ROCK2: variants seen among roughly 807,000 people sequenced by gnomAD.
ROCK2 encodes rho-associated protein kinase 2.
ROCK2 carries 61 observed loss-of-function variants against 195.1 expected under a neutral mutation model. The observed-to-expected ratio is 0.31, with a 90% CI of 0.25 to 0.39. The LOEUF (loss-of-function observed/expected upper bound fraction) is 0.39, where lower values mean the gene tolerates loss of function less well. ROCK2 is among the 10% of genes least tolerant of loss of function. ROCK2 has a pLI of 1.00. For missense variants in ROCK2, 1,109 were observed against 1,637.4 expected (o/e 0.68, Z 5.57); for synonymous variants, 504 against 545.5 (o/e 0.92, Z 1.06).
intron 8 of ROCK2, 32 bp downstream of exon 8, chr2:11,222,051 T>C: frequency 7.8e-7 from 1 of 1,285,968 alleles, no homozygotes; most frequent in South Asian, 1.2e-5. Context: ...CAGAATGTGA[T>C]GGAATGAAAA....
chr2:11,290,845 A>T (rs1292590257), intron 1 of ROCK2, among the ~76,000 whole-genome samples: 1 of 152,068 alleles, frequency 6.6e-6, no homozygotes, highest in Non-Finnish European at 1.5e-5. Context: ...AACAACAACA[A>T]CATCTTATTG....
chr2:11,198,797 A>T, intron 23 of ROCK2, 23 bp from the exon 24 acceptor site: 2 of 1,335,548 alleles, frequency 1.5e-6, no homozygotes, highest in Non-Finnish European at 2.1e-6. Flanking sequence ...AGAGGAAAAA[A>T]TAATCACATC....
intron 1 of ROCK2, among the ~76,000 whole-genome samples, chr2:11,336,896 G>T (rs1040284571): frequency 6.6e-6 from 1 of 152,144 alleles, no homozygotes; most frequent in African/African-American, 2.4e-5. Flanking sequence ...ACATGAGGAT[G>T]GCGACAATTA....
chr2:11,244,883 A>G (rs768342474), intron 4 of ROCK2, among the ~76,000 whole-genome samples: 4 of 152,206 alleles, frequency 2.6e-5, no homozygotes, highest in Non-Finnish European at 5.9e-5. Flanking sequence ...AGAAAAAAGT[A>G]GTATGCTTCC....
chr2:11,193,909 T>C, intron 29 of ROCK2, 52 bp from the exon 30 acceptor site: 1 of 974,032 alleles, frequency 1.0e-6, no homozygotes, highest in Middle Eastern at 2.2e-4. Flanking sequence ...GATCAAATTA[T>C]ATATTAATTA....
intron 3 of ROCK2, among the ~76,000 whole-genome samples, chr2:11,255,375 AC>A (rs1434765380): frequency 1.3e-5 from 2 of 150,736 alleles, no homozygotes; most frequent in Non-Finnish European, 2.9e-5. Context: ...AAATAACAAA[AC>A]CCCAGAGTCT....
rs1337366460 is a variant in ROCK2, at chr2:11,224,470, C to G, written c.869-10G>C. On this transcript the variant is annotated splice_polypyrimidine_tract_variant and intron_variant, in intron 6 of 32. Transcript: ENST00000315872. ...TAAAATGGAGTATCCCCTAAAATTT[C>G]AAGAAAGAAGATACTGAATGTAACA... 1.2e-6 allele frequency: 2 copies of G among 1,609,170 alleles called. No individual in the cohort carries two copies. Among genetic ancestry groups the G allele is most frequent in the Non-Finnish European group, 1.7e-6 (2 of 1,177,472 alleles).
At chr2:11,311,938 A>G (rs1313816524) in intron 1 of ROCK2, among the ~76,000 whole-genome samples, 1 of 152,182 alleles carries the variant, frequency 6.6e-6, no homozygotes, top group Non-Finnish European at 1.5e-5. Context: ...TTTTCCAACT[A>G]CAAATATGTA....
At chr2:11,211,585 T>A in intron 18 of ROCK2, 96 bp downstream of exon 18, 1 of 1,195,944 alleles carries the variant, frequency 8.4e-7, no homozygotes, top group Non-Finnish European at 1.1e-6. Flanking sequence ...TATTTGACAA[T>A]GAAATATAAA....
intron 1 of ROCK2, among the ~76,000 whole-genome samples, chr2:11,318,617 G>T (rs1030323838): frequency 1.6e-4 from 24 of 152,144 alleles, no homozygotes; most frequent in Non-Finnish European, 3.1e-4. Context: ...TAGATCCCAT[G>T]TGTCAATTCT....
At chr2:11,287,495 A>G (rs187102397) in intron 2 of ROCK2, among the ~76,000 whole-genome samples, 160 bp downstream of exon 2, 2 of 152,328 alleles carry the variant, frequency 1.3e-5, no homozygotes, top group East Asian at 3.9e-4. Flanking sequence ...TTTAAAAATA[A>G]AAGTAACAAT....
intron 11 of ROCK2, chr2:11,217,404 C>T (rs1664471887): frequency 3.5e-6 from 2 of 575,634 alleles, no homozygotes; most frequent in African/African-American, 1.9e-5. Context: ...TGTAACCATG[C>T]ATAAGAAGCT....
chr2:11,325,650 T>C (rs1041497381), intron 1 of ROCK2, among the ~76,000 whole-genome samples: 2 of 152,194 alleles, frequency 1.3e-5, no homozygotes, highest in African/African-American at 2.4e-5. Context: ...GGGAAATAAT[T>C]AGCAATTTTA....
At chr2:11,343,075 A>G (rs1342962676) in intron 1 of ROCK2, among the ~76,000 whole-genome samples, 1 of 152,182 alleles carries the variant, frequency 6.6e-6, no homozygotes, top group Non-Finnish European at 1.5e-5. Context: ...CCCTAGTTCT[A>G]GTCTTCCAGA....
chr2:11,300,396 T>G (rs1195329428), intron 1 of ROCK2, among the ~76,000 whole-genome samples: 1 of 152,182 alleles, frequency 6.6e-6, no homozygotes, highest in African/African-American at 2.4e-5. Flanking sequence ...CCCAACTAGC[T>G]GGGATTACAG....
At chr2:11,268,086 G>C (rs1278612944) in intron 3 of ROCK2, among the ~76,000 whole-genome samples, 1 of 151,928 alleles carries the variant, frequency 6.6e-6, no homozygotes, top group Non-Finnish European at 1.5e-5. Flanking sequence ...AAAAGACAGG[G>C]GAGAACACCA....
intron 1 of ROCK2, among the ~76,000 whole-genome samples, chr2:11,299,191 T>C (rs1300144925): frequency 6.6e-6 from 1 of 151,616 alleles, no homozygotes; most frequent in Non-Finnish European, 1.5e-5. Context: ...GGAGAATCGC[T>C]TGAACCTGGG....
intron 1 of ROCK2, among the ~76,000 whole-genome samples, chr2:11,319,337 T>C (rs959529601): frequency 1.2e-4 from 18 of 152,334 alleles, no homozygotes; most frequent in African/African-American, 4.3e-4. Flanking sequence ...GTAAGTTGGA[T>C]TCCTAGGTAT....
At chr2:11,250,839 A>C (rs1287184120) in intron 3 of ROCK2, among the ~76,000 whole-genome samples, 1 of 151,858 alleles carries the variant, frequency 6.6e-6, no homozygotes, top group Non-Finnish European at 1.5e-5. Flanking sequence ...CCCTGCTGTC[A>C]CTCTCTCTTA....
Sources: allele counts gnomAD v4.1 joint callset (sites outside exome capture counted in the v4.1 genomes callset), GRCh38; gene constraint gnomAD v4.1.1; transcripts MANE v1.5; gene names NCBI Gene and HGNC (gene_info 2026-07-23, HGNC 2026-07-21).